The following HDHD5 variants were observed in gnomAD, a reference collection of about 807,000 sequenced individuals.
HDHD5 encodes haloacid dehalogenase like hydrolase domain containing 5.
In HDHD5, 34 loss-of-function variants were observed where a neutral mutation model predicts 35.5. That is an observed-to-expected ratio of 0.96 (90% confidence interval 0.73 to 1.28). The LOEUF (loss-of-function observed/expected upper bound fraction) is 1.28, where lower values mean the gene tolerates loss of function less well. Ranked by LOEUF, HDHD5 falls within the 50% of genes most tolerant of loss-of-function variation. The pLI is 0.00. For missense variants in HDHD5, 589 were observed against 560.2 expected (o/e 1.05, Z -0.52); for synonymous variants, 248 against 240.6 (o/e 1.03, Z -0.29).
intron 3 of HDHD5, among the ~76,000 whole-genome samples, chr22:17,146,200 T>C (rs2061660107): frequency 6.6e-6 from 1 of 152,006 alleles, no homozygotes; most frequent in African/African-American, 2.4e-5. Context: ...TTCCCCTGCT[T>C]AGGAGCTTAG....
chr22:17,143,249 C>A, intron 4 of HDHD5, 118 bp from the exon 5 acceptor site: 1 of 1,117,106 alleles, frequency 9.0e-7, no homozygotes, highest in Admixed American at 3.0e-5. Context: ...GACCCCACAC[C>A]CGTGGTCAAG....
At chr22:17,150,558 G>A (rs1387700876) in intron 1 of HDHD5, among the ~76,000 whole-genome samples, 5 of 142,786 alleles carry the variant, frequency 3.5e-5, no homozygotes, top group Non-Finnish European at 3.0e-5. Flanking sequence ...TTGCTCTGTC[G>A]CCGAGACTGG....
At chr22:17,163,798 C>T (rs752716506), upstream of HDHD5, among the ~76,000 whole-genome samples, 7 of 152,196 alleles carry the variant, frequency 4.6e-5, no homozygotes, top group Non-Finnish European at 7.3e-5. Flanking sequence ...TGGGAAGTTC[C>T]GGCCTCACAC....
intron 6 of HDHD5, among the ~76,000 whole-genome samples, chr22:17,140,004 T>C (rs1056089543): frequency 2.0e-5 from 3 of 152,110 alleles, no homozygotes; most frequent in Admixed American, 2.0e-4. Context: ...AGTGTCAGCA[T>C]ACCCGCCTCT....
In HDHD5 at chr22:17,138,800, C is replaced by G; in HGVS notation, c.747-62G>C. Reference sequence around the variant, plus strand: ...GATCTCCAGGCTCTTCTAGAGAACACGACTGCCACTGTCTAAGCAGCAAAC... The same window carrying G: ...GATCTCCAGGCTCTTCTAGAGAACAGGACTGCCACTGTCTAAGCAGCAAAC... On this transcript the variant is annotated intron_variant, in intron 6 of 7. Transcript: ENST00000336737. 1.7e-5 allele frequency: 26 copies of G among 1,573,554 alleles called. No individual in the cohort carries two copies. In the South Asian group the frequency reaches 2.6e-4, roughly 16 times the overall value.
At chr22:17,161,688 C>T (rs1273217304), upstream of HDHD5, among the ~76,000 whole-genome samples, 1 of 151,534 alleles carries the variant, frequency 6.6e-6, no homozygotes, top group Non-Finnish European at 1.5e-5. Flanking sequence ...GGCAACGTGA[C>T]AAAACCTTGT....
intron 2 of HDHD5, 83 bp from the exon 3 acceptor site, chr22:17,148,643 G>T: frequency 9.4e-7 from 1 of 1,059,016 alleles, no homozygotes; most frequent in Non-Finnish European, 1.4e-6. Flanking sequence ...AGGTCCTTTA[G>T]CCTAGGGAAG....
upstream of HDHD5, chr22:17,159,301 G>T: frequency 1.1e-6 from 1 of 890,282 alleles, no homozygotes. Context: ...CCCCCCCCGC[G>T]AGTCCGTCCG....
In HDHD5 at chr22:17,159,210, A is replaced by G. The variant is rs2061840116; in HGVS notation, c.42T>C (p.Arg14=). ...WGCVAALGAA[R]GLCWRAARAA... Reference sequence around the variant, plus strand: ...CGCGCGCCGCCCGCCAGCAAAGCCCACGCGCCGCGCCGAGCGCAGCCACAC... The same window carrying G: ...CGCGCGCCGCCCGCCAGCAAAGCCCGCGCGCCGCGCCGAGCGCAGCCACAC... The change falls in exon 1 of 8, where the codon CGT becomes CGC. Residue 14 remains arginine, a synonymous_variant. Transcript: ENST00000336737. 34 of 1,157,534 alleles carry G rather than the reference A, an allele frequency of 2.9e-5. No individual in the cohort carries two copies. The highest frequency in any genetic ancestry group is 3.4e-5 in the Non-Finnish European group (32 of 945,564). The allele number at this position is 1,157,534 out of a possible 1,614,324, so 71.7% of individuals were successfully genotyped here.
chr22:17,159,298 CGCGAGT>C, upstream of HDHD5: 7 of 1,224,424 alleles, frequency 5.7e-6, no homozygotes, highest in South Asian at 3.5e-5. Context: ...CCCCCCCCCC[CGCGAGT>C]CCGTCCGCTG....
upstream of HDHD5, chr22:17,159,611 G>A: frequency 4.9e-6 from 2 of 409,800 alleles, no homozygotes; most frequent in South Asian, 1.7e-5. Context: ...TGTCTGGGCC[G>A]GGGGTCTCAA....
At chr22:17,156,807 C>A (rs1248576736) in intron 1 of HDHD5, among the ~76,000 whole-genome samples, 2 of 149,278 alleles carry the variant, frequency 1.3e-5, no homozygotes, top group Non-Finnish European at 3.0e-5. Flanking sequence ...TGGCTGGGCA[C>A]GGTGGCTCAT....
chr22:17,140,639 A>C (rs1358878789), intron 6 of HDHD5, among the ~76,000 whole-genome samples: 1 of 152,216 alleles, frequency 6.6e-6, no homozygotes, highest in African/African-American at 2.4e-5. Flanking sequence ...CTCCTGCCTT[A>C]TGTCTGAAGG....
Position 17,138,010 on chromosome 22 carries a change from C to A in HDHD5, c.*11G>T, listed in dbSNP as rs746562473. 1 of 1,600,672 alleles carries A rather than the reference C, an allele frequency of 6.2e-7. No homozygotes were observed. The highest frequency in any genetic ancestry group is 8.5e-7 in the Non-Finnish European group (1 of 1,170,582). On this transcript the variant is annotated 3_prime_UTR_variant, in exon 8 of 8. Transcript: ENST00000336737. ...GTCCAGGCTCACCCCCTCACCTCCACCGCACTGCCCTCACTCCAAAGCCCA... is the reference window on the plus strand; with the variant it reads ...GTCCAGGCTCACCCCCTCACCTCCAACGCACTGCCCTCACTCCAAAGCCCA...
Position 17,159,148 on chromosome 22 carries a change from C to T in HDHD5, c.104G>A (p.Cys35Tyr), listed in dbSNP as rs1161272225. The T allele has an allele frequency of 1.2e-5, 15 of 1,229,118 alleles. No homozygotes were observed. The Admixed American group carries it at 1.7e-4, about 14-fold the overall frequency. 76.1% of individuals were successfully genotyped at this position (1,229,118 alleles called of 1,614,324 possible). The change falls in exon 1 of 8, where the codon TGC becomes TAC. Residue 35 changes from cysteine to tyrosine, a missense_variant. Physicochemically the swap from Cys to Tyr is radical, Grantham distance 194 (BLOSUM62 -2). Transcript: ENST00000336737. ...CACCTGAGCGGGGCCCACAGCATAGCACCTGCGGGCGGGGCGGCCCTGGAG... is the reference window on the plus strand; with the variant it reads ...CACCTGAGCGGGGCCCACAGCATAGTACCTGCGGGCGGGGCGGCCCTGGAG... The part of the protein sequence containing the change: ...AGLQGRPARR[C>Y]YAVGPAQSPP...
At chr22:17,142,107 G>A (rs1372030777) in intron 5 of HDHD5, 1 of 152,228 alleles carries the variant, frequency 6.6e-6, no homozygotes, top group African/African-American at 2.4e-5. Context: ...TGCGTGCGGT[G>A]GCTTGTGTCT....
Position 17,148,429 on chromosome 22 carries a change from G to A in HDHD5, c.443+19C>T, listed in dbSNP as rs188235807. 4 of 1,600,640 alleles carry A rather than the reference G, an allele frequency of 2.5e-6. No homozygotes were observed. Among genetic ancestry groups the A allele is most frequent in the East Asian group, 4.5e-5 (2 of 44,784 alleles). On this transcript the variant is annotated intron_variant, in intron 3 of 7. Transcript: ENST00000336737. Reference sequence around the variant, plus strand: ...GCCCTGCCCCTTCCCTTCAGCCAGAGTTAAGACCAAAAGGATACCCCTGGG... The same window carrying A: ...GCCCTGCCCCTTCCCTTCAGCCAGAATTAAGACCAAAAGGATACCCCTGGG...
intron 1 of HDHD5, 25 bp from the exon 2 acceptor site, chr22:17,149,770 C>A: frequency 6.2e-7 from 1 of 1,604,792 alleles, no homozygotes; most frequent in Non-Finnish European, 8.5e-7. Context: ...AGATAATTAC[C>A]AGTACGTGAG....
At chr22:17,153,086 C>A (rs1239062289) in intron 1 of HDHD5, among the ~76,000 whole-genome samples, 2 of 152,234 alleles carry the variant, frequency 1.3e-5, no homozygotes, top group Non-Finnish European at 2.9e-5. Flanking sequence ...GTGCCTCTAA[C>A]CCTTGGCTTC....
Sources: allele counts gnomAD v4.1 joint callset (sites outside exome capture counted in the v4.1 genomes callset), GRCh38; gene constraint gnomAD v4.1.1; transcripts MANE v1.5; gene names NCBI Gene and HGNC (gene_info 2026-07-23, HGNC 2026-07-21).